The following THRAP3 variants were observed in gnomAD, a reference collection of about 807,000 sequenced individuals.
THRAP3 encodes the protein thyroid hormone receptor associated protein 3, also known as thyroid hormone receptor-associated protein 3.
Under a neutral mutation model 101.0 loss-of-function variants are expected in THRAP3, and 16 were observed. The observed-to-expected ratio is 0.16, with a 90% CI of 0.11 to 0.24. THRAP3 has a LOEUF of 0.24. Ranked by LOEUF, THRAP3 falls within the 10% of genes least tolerant of loss-of-function variation. The probability of loss-of-function intolerance (pLI) is 1.00; values close to 1 mark genes in which losing one functional copy is unlikely to be tolerated. For synonymous variants in THRAP3, 407 were observed against 422.6 expected, an observed-to-expected ratio of 0.96 and a Z score of 0.45; for missense variants, 989 against 1,202.7, an observed-to-expected ratio of 0.82 and a Z score of 2.63.
At chr1:36,247,136 G>A (rs923033483) in intron 1 of THRAP3, among the ~76,000 whole-genome samples, 1 of 151,964 alleles carries the variant, frequency 6.6e-6, no homozygotes, top group Non-Finnish European at 1.5e-5. Flanking sequence ...GGTCAACATG[G>A]TGAAACCCTG....
At chr1:36,281,114 C>G (rs945789665) in intron 2 of THRAP3, among the ~76,000 whole-genome samples, 1 of 151,930 alleles carries the variant, frequency 6.6e-6, no homozygotes, top group African/African-American at 2.4e-5. Flanking sequence ...ACCATGTTGG[C>G]CACGCTGGTC....
At position 36,289,673 on chromosome 1, in the gene THRAP3, G is replaced by C; in HGVS notation, c.1654G>C (p.Gly552Arg). 1.9e-6 allele frequency: 3 copies of C among 1,614,180 alleles called. No individual in the cohort carries two copies. In the South Asian group the frequency reaches 3.3e-5, roughly 18 times the overall value. ...GAGCCGAGACAAGCTGGGAGCGAAA[G>C]GAGATTTTCCCACAGGAAAGTCTTC... ...SESRDKLGAK[G>R]DFPTGKSSFS... Residue 552 changes from glycine (G) to arginine (R), a missense_variant, in exon 5 of 12, where the codon GGA becomes CGA. Gly to Arg is a moderately radical substitution (Grantham distance 125). Transcript: ENST00000354618.
intron 1 of THRAP3, among the ~76,000 whole-genome samples, chr1:36,230,393 C>T (rs796723242): frequency 6.6e-5 from 10 of 151,420 alleles, no homozygotes; most frequent in African/African-American, 2.2e-4. Flanking sequence ...GCTAGGATTA[C>T]AGGCATGAGC....
At chr1:36,239,762 A>G (rs187977780) in intron 1 of THRAP3, among the ~76,000 whole-genome samples, 58 of 152,334 alleles carry the variant, frequency 3.8e-4, no homozygotes, top group African/African-American at 1.3e-3. Flanking sequence ...TGAGACCTAT[A>G]TGTCCATCAC....
chr1:36,282,234 T>C (rs1645741457), intron 2 of THRAP3, among the ~76,000 whole-genome samples: 2 of 109,486 alleles, frequency 1.8e-5, no homozygotes, highest in African/African-American at 5.3e-5. Flanking sequence ...CCACTTTCTC[T>C]CTTTTTTTTT....
At chr1:36,241,352 T>A (rs1327769479) in intron 1 of THRAP3, among the ~76,000 whole-genome samples, 1 of 147,380 alleles carries the variant, frequency 6.8e-6, no homozygotes, top group East Asian at 2.0e-4. Context: ...TTGTGCTGTA[T>A]TTTTCTTCCC....
rs1304416031 is a variant in THRAP3 at position 36,262,030 on chromosome 1, CAAA to C, written c.-32+2548_-32+2550del. ...CGTTGTTCTCAAGGACAGTGCTGCT[CAAA>C]AGAAGAATGTGAGCCACATGTCATT... is the stretch of plus-strand genomic sequence containing the variant. On this transcript the variant is annotated intron_variant, in intron 2 of 11. Transcript: ENST00000354618. 2.6e-5 allele frequency among the ~76,000 whole-genome samples: 4 copies of C among 151,982 alleles called. No homozygotes were observed. The South Asian group carries it at 8.3e-4, about 32-fold the overall frequency.
At chr1:36,273,340 C>T (rs2995226) in intron 2 of THRAP3, among the ~76,000 whole-genome samples, 152,363 of 152,368 alleles carry the variant, frequency 1, 76,179 homozygotes, top group Middle Eastern at 1. Context: ...TCTTTTAAGA[C>T]AAGAAAATCT....
At chr1:36,232,138 C>G (rs1645034922) in intron 1 of THRAP3, among the ~76,000 whole-genome samples, 1 of 152,094 alleles carries the variant, frequency 6.6e-6, no homozygotes, top group Non-Finnish European at 1.5e-5. Context: ...ATTACTTGAA[C>G]CCGGGAGGCA....
intron 1 of THRAP3, among the ~76,000 whole-genome samples, chr1:36,254,822 G>C (rs1645352689): frequency 6.6e-6 from 1 of 152,110 alleles, no homozygotes; most frequent in Admixed American, 6.6e-5. Context: ...ACCATTCTTA[G>C]CTCATGGATG....
intron 9 of THRAP3, among the ~76,000 whole-genome samples, chr1:36,299,563 T>G (rs1315498175): frequency 6.6e-6 from 1 of 151,044 alleles, no homozygotes; most frequent in Non-Finnish European, 1.5e-5. Context: ...TGCAATGATA[T>G]GATCTCGGCT....
chr1:36,269,881 G>A (rs966751861), intron 2 of THRAP3, among the ~76,000 whole-genome samples: 1 of 152,062 alleles, frequency 6.6e-6, no homozygotes, highest in Non-Finnish European at 1.5e-5. Flanking sequence ...ACAGCTGCAT[G>A]TCTCTTTTTT....
At chr1:36,212,418 CTTTT>C in the THRAP3 span, among the ~76,000 whole-genome samples, 10 of 122,046 alleles carry the variant, frequency 8.2e-5, no homozygotes, top group Admixed American at 3.4e-4. Context: ...TTCTTTCTTT[CTTTT>C]TTTTTTTTTT....
intron 1 of THRAP3, among the ~76,000 whole-genome samples, chr1:36,255,706 G>A (rs1273545277): frequency 6.6e-6 from 1 of 151,218 alleles, no homozygotes; most frequent in Non-Finnish European, 1.5e-5. Flanking sequence ...CCAGGAGACG[G>A]AGGTTGCAGT....
At chr1:36,256,204 ATTATTGTTATTATTG>A (rs1376939916) in intron 1 of THRAP3, among the ~76,000 whole-genome samples, 10 of 144,262 alleles carry the variant, frequency 6.9e-5, no homozygotes, top group Non-Finnish European at 1.2e-4. Context: ...TATTATTATT[ATTATTGTTATTATTG>A]TTATTATTAT....
chr1:36,243,820 G>T (rs1283458623), intron 1 of THRAP3, among the ~76,000 whole-genome samples: 1 of 142,348 alleles, frequency 7.0e-6, no homozygotes, highest in Non-Finnish European at 1.6e-5. Context: ...CTGGCCAGGC[G>T]GGGGGCTGAC....
chr1:36,248,209 A>G (rs996138561), intron 1 of THRAP3, among the ~76,000 whole-genome samples: 3 of 152,010 alleles, frequency 2.0e-5, no homozygotes, highest in Non-Finnish European at 4.4e-5. Context: ...TAAAAAAATT[A>G]TTCTTTTCTT....
chr1:36,277,896 A>G (rs771631934), intron 2 of THRAP3, among the ~76,000 whole-genome samples: 2 of 151,880 alleles, frequency 1.3e-5, no homozygotes, highest in Non-Finnish European at 2.9e-5. Flanking sequence ...AGTAGCTGGG[A>G]TTACAGGTTC....
chr1:36,286,167 CA>C lies in THRAP3; in HGVS notation c.138-200del, dbSNP rs1186596143. On this transcript the variant is annotated intron_variant, in intron 3 of 11. Coordinates refer to ENST00000354618, the MANE Select transcript of THRAP3 (RefSeq NM_005119.4). The surrounding 1 kb of genome is among the most constrained non-coding windows in gnomAD (Gnocchi z 5.5). ...ATGAATGAAGTGACCTGTGTTTCAT[CA>C]CTTGTTCAAATGATTCTTATCCATG... Among the ~76,000 whole-genome samples the C allele has an allele frequency of 2.0e-5, 3 of 152,212 alleles. No homozygotes were observed. Among genetic ancestry groups the C allele is most frequent in the Admixed American group, 6.5e-5 (1 of 15,282 alleles).
Sources: gnomAD v4.1 joint callset for allele counts (sites outside exome capture counted in the v4.1 genomes callset) on GRCh38, gnomAD v4.1.1 for gene constraint, Gnocchi (gnomAD v3.1) non-coding constraint, MANE v1.5 for transcripts, NCBI Gene and HGNC (gene_info 2026-07-23, HGNC 2026-07-21) for gene names.